Variants in CRTC3 observed in about 807,000 individuals in gnomAD.
The protein encoded by CRTC3 is CREB regulated transcription coactivator 3, also known as CREB-regulated transcription coactivator 3.
In CRTC3, 26 loss-of-function variants were observed where a neutral mutation model predicts 74.5. The ratio of observed to expected loss-of-function variants is 0.35; its 90% CI spans 0.26 to 0.48. The LOEUF is 0.48. Ranked by LOEUF, CRTC3 falls within the 20% of genes least tolerant of loss-of-function variation. The pLI is 0.99. For missense variants in CRTC3, 760 were observed against 787.3 expected (o/e 0.97, Z 0.41); for synonymous variants, 377 against 325.8 (o/e 1.16, Z -1.69).
At chr15:90,539,888 C>T (rs755405711) in intron 1 of CRTC3, 151 bp from the exon 2 acceptor site, 29 of 638,448 alleles carry the variant, frequency 4.5e-5, no homozygotes, top group Admixed American at 9.4e-5. Flanking sequence ...CAGAAAGCAC[C>T]GGAAACCTTG....
chr15:90,566,599 C>T (rs989574974), intron 2 of CRTC3, among the ~76,000 whole-genome samples: 1 of 151,126 alleles, frequency 6.6e-6, no homozygotes, highest in Middle Eastern at 3.5e-3. Flanking sequence ...CATAAAAGTA[C>T]AGGATGAAGC....
intron 1 of CRTC3, among the ~76,000 whole-genome samples, chr15:90,533,085 A>C (rs1295480973): frequency 1.5e-4 from 1 of 6,826 alleles, no homozygotes; most frequent in East Asian, 1.2e-3. Context: ...ACTTCATCTC[A>C]AAAAAAAAAA....
rs1304364816 is a variant in CRTC3 at position 90,530,210 on chromosome 15, G to C, written c.132+7G>C. ...CGACCTCACCCTGTCGCGGGTGAGG[G>C]CCCGGGCCGGCGCGGGCGGGGGCGG... On this transcript the variant is annotated splice_region_variant and intron_variant, in intron 1 of 14. Coordinates refer to ENST00000268184, the MANE Select transcript of CRTC3 (RefSeq NM_022769.5). This position sits in a 1 kb window ranked among gnomAD's most constrained non-coding sequence, Gnocchi z 6.2. 2 of 1,167,120 alleles carry C rather than the reference G, an allele frequency of 1.7e-6. No individual in the cohort carries two copies. The highest frequency in any genetic ancestry group is 8.1e-5 in the Admixed American group (2 of 24,634). 72.3% of individuals were successfully genotyped at this position (1,167,120 alleles called of 1,614,324 possible).
chr15:90,558,742 A>G (rs1439443749), intron 2 of CRTC3, among the ~76,000 whole-genome samples: 2 of 151,564 alleles, frequency 1.3e-5, no homozygotes, highest in Non-Finnish European at 2.9e-5. Context: ...CTATATATAT[A>G]TATACATATA....
chr15:90,545,670 G>A (rs1420049289), intron 2 of CRTC3, among the ~76,000 whole-genome samples: 1 of 151,942 alleles, frequency 6.6e-6, no homozygotes, highest in East Asian at 1.9e-4. Context: ...TCCGCCTCCT[G>A]GGTTCAAGCA....
At chr15:90,543,516 AT>A (rs1885585479) in intron 2 of CRTC3, among the ~76,000 whole-genome samples, 1 of 151,848 alleles carries the variant, frequency 6.6e-6, no homozygotes, top group African/African-American at 2.4e-5. Flanking sequence ...TTATTTATTC[AT>A]TTTTGAAGCA....
intron 7 of CRTC3, among the ~76,000 whole-genome samples, chr15:90,617,664 G>A (rs1968528392): frequency 6.6e-6 from 1 of 152,026 alleles, no homozygotes; most frequent in Non-Finnish European, 1.5e-5. Context: ...CAAGTAGTTG[G>A]GACTACAGGT....
chr15:90,606,892 G>A (rs1968237197), intron 5 of CRTC3: 1 of 152,510 alleles, frequency 6.6e-6, no homozygotes, highest in East Asian at 1.9e-4. Context: ...GAGCGAGAGT[G>A]AAAAAACAGA....
chr15:90,631,215 G>A (rs80201435), intron 11 of CRTC3, among the ~76,000 whole-genome samples: 4 of 152,180 alleles, frequency 2.6e-5, no homozygotes, highest in African/African-American at 4.8e-5. Context: ...CGTGTTGATC[G>A]TATGAGTGAT....
At position 90,641,972 on chromosome 15, in the gene CRTC3, G is replaced by C. The variant is rs2286288; in HGVS notation, c.1692G>C (p.Ala564=). 18 of 1,613,624 alleles carry C rather than the reference G, an allele frequency of 1.1e-5. No homozygotes were observed. Among genetic ancestry groups the C allele is most frequent in the Non-Finnish European group, 1.5e-5 (18 of 1,179,926 alleles). Residue 564 remains alanine, a synonymous_variant, in exon 15 of 15, where the codon GCG becomes GCC. Transcript: ENST00000268184. ...GCCTGTTCAAAGACCTCAACAGTGC[G>C]CTGGCAGGCCTGCCTGAGGTCAGCC... The part of the protein sequence containing the change: ...STSLFKDLNS[A]LAGLPEVSLN...
chr15:90,604,307 C>G (rs1169180579), intron 4 of CRTC3, 78 bp from the exon 5 acceptor site: 7 of 1,094,902 alleles, frequency 6.4e-6, no homozygotes, highest in African/African-American at 1.5e-5. Flanking sequence ...AGCCAGTTCT[C>G]AAATGCAAGT....
intron 2 of CRTC3, among the ~76,000 whole-genome samples, chr15:90,553,686 G>A (rs966293654): frequency 1.3e-5 from 2 of 152,100 alleles, no homozygotes; most frequent in African/African-American, 2.4e-5. Context: ...TGCCTCCTAC[G>A]TGCTCTCAAT....
chr15:90,637,492 G>A (rs371599096), intron 11 of CRTC3, among the ~76,000 whole-genome samples: 5 of 152,024 alleles, frequency 3.3e-5, no homozygotes, highest in African/African-American at 4.8e-5. Context: ...AACATGGCAC[G>A]TGTATACATA....
intron 2 of CRTC3, among the ~76,000 whole-genome samples, chr15:90,571,503 T>G (rs7180053): frequency 0.63 from 95,103 of 151,986 alleles, 30,506 homozygotes; most frequent in East Asian, 0.74. Flanking sequence ...AGGCTGGAGC[T>G]TGAAGTAGGA....
At chr15:90,637,680 C>T (rs891132883) in intron 11 of CRTC3, among the ~76,000 whole-genome samples, 1 of 152,174 alleles carries the variant, frequency 6.6e-6, no homozygotes, top group South Asian at 2.1e-4. Flanking sequence ...TGGCAGGTGG[C>T]AGGATGGTGG....
At chr15:90,635,375 T>G (rs1164820977) in intron 11 of CRTC3, among the ~76,000 whole-genome samples, 1 of 152,184 alleles carries the variant, frequency 6.6e-6, no homozygotes, top group Non-Finnish European at 1.5e-5. Context: ...CCAGGCGTGG[T>G]GGCTCACACC....
chr15:90,534,561 A>AGTTGGTTGGTTG (rs56768119), intron 1 of CRTC3, among the ~76,000 whole-genome samples: 106 of 151,580 alleles, frequency 7.0e-4, no homozygotes, highest in African/African-American at 2.3e-3. Flanking sequence ...AAATGTGGTT[A>AGTTGGTTGGTTG]GTTGGTTGGT....
At chr15:90,545,741 TA>T (rs1966843150) in intron 2 of CRTC3, among the ~76,000 whole-genome samples, 1 of 104,554 alleles carries the variant, frequency 9.6e-6, no homozygotes, top group South Asian at 3.7e-4. Context: ...CACGCCCGGG[TA>T]ATTTTTTTTG....
At chr15:90,634,432 T>C (rs764643725) in intron 11 of CRTC3, among the ~76,000 whole-genome samples, 2 of 152,222 alleles carry the variant, frequency 1.3e-5, no homozygotes, top group Non-Finnish European at 2.9e-5. Context: ...GTTTCATCCA[T>C]ACCCTGCTTT....
Sources: allele counts gnomAD v4.1 joint callset (sites outside exome capture counted in the v4.1 genomes callset), GRCh38; gene constraint gnomAD v4.1.1; non-coding constraint Gnocchi (gnomAD v3.1); transcripts MANE v1.5; gene names NCBI Gene and HGNC (gene_info 2026-07-23, HGNC 2026-07-21).